Variants in SAMMSON observed in about 807,000 individuals in gnomAD.
SAMMSON encodes long intergenic non-protein coding RNA 1212.
At chr3:70,427,381 C>T (rs1368939894) in intron 2 of SAMMSON, among the ~76,000 whole-genome samples, 1 of 152,070 alleles carries the variant, frequency 6.6e-6, no homozygotes, top group Non-Finnish European at 1.5e-5. Flanking sequence ...CTCACTTAGG[C>T]AAAAGCACTG....
At chr3:70,428,905 T>G (rs1701392063) in intron 2 of SAMMSON, among the ~76,000 whole-genome samples, 2 of 152,200 alleles carry the variant, frequency 1.3e-5, no homozygotes, top group Non-Finnish European at 2.9e-5. Context: ...GGAGCTACAG[T>G]GATGACTAGG....
intron 4 of SAMMSON, among the ~76,000 whole-genome samples, chr3:70,170,652 C>G (rs1700936781): frequency 1.6e-5 from 2 of 127,700 alleles, no homozygotes; most frequent in South Asian, 2.5e-4. Flanking sequence ...ACTGGCTAAA[C>G]AGAGGTGAAA....
At chr3:70,312,022 A>C in intron 7 of SAMMSON, 1 of 397,138 alleles carries the variant, frequency 2.5e-6, no homozygotes, top group East Asian at 3.6e-5. Flanking sequence ...AAGAACCCAA[A>C]TTTATAACAT....
chr3:70,052,528 ATAG>A (rs1217755494), intron 3 of SAMMSON, among the ~76,000 whole-genome samples: 1 of 152,178 alleles, frequency 6.6e-6, no homozygotes, highest in Non-Finnish European at 1.5e-5. Flanking sequence ...TGCTACTAAA[ATAG>A]TAGCAAAAAT....
chr3:70,186,987 A>C (rs1157212519), intron 4 of SAMMSON, among the ~76,000 whole-genome samples: 1 of 152,142 alleles, frequency 6.6e-6, no homozygotes, highest in East Asian at 1.9e-4. Context: ...CTCCTGTTCT[A>C]GCTGGGGACT....
At chr3:70,412,455 G>A (rs1701228101) in intron 2 of SAMMSON, among the ~76,000 whole-genome samples, 1 of 152,282 alleles carries the variant, frequency 6.6e-6, no homozygotes, top group African/African-American at 2.4e-5. Flanking sequence ...AGTATGCAAA[G>A]TGATCAAGTC....
chr3:70,388,727 G>T (rs1014320740), intron 9 of SAMMSON, among the ~76,000 whole-genome samples: 2 of 152,266 alleles, frequency 1.3e-5, no homozygotes, highest in African/African-American at 4.8e-5. Context: ...TTAGTTGGGG[G>T]ACAGCTACCT....
chr3:70,050,677 A>G lies in SAMMSON; in HGVS notation n.418-20799A>G, dbSNP rs574049872. Among the ~76,000 whole-genome samples, 11 of 152,222 alleles carry G rather than the reference A, an allele frequency of 7.2e-5. No homozygotes were observed. The East Asian group carries it at 1.7e-3, about 24-fold the overall frequency. ...ATTTGCTATGGATCTGTCTTGGTCAACTTTCACCTGAATGATAATTCAGTG... is the reference window on the plus strand; with the variant it reads ...ATTTGCTATGGATCTGTCTTGGTCAGCTTTCACCTGAATGATAATTCAGTG... On this transcript the variant is annotated intron_variant and non_coding_transcript_variant, in intron 3 of 9. Transcript: ENST00000642114.
chr3:70,262,238 C>A (rs1234166218), intron 6 of SAMMSON, among the ~76,000 whole-genome samples: 2 of 152,042 alleles, frequency 1.3e-5, no homozygotes, highest in Non-Finnish European at 2.9e-5. Flanking sequence ...AATAATTATA[C>A]CAATAACGTG....
At chr3:70,335,371 A>G (rs1368638223) in intron 7 of SAMMSON, among the ~76,000 whole-genome samples, 1 of 152,072 alleles carries the variant, frequency 6.6e-6, no homozygotes, top group African/African-American at 2.4e-5. Context: ...TAAGCAGAAC[A>G]AAACATATTT....
At chr3:70,395,006 C>T (rs1336106608) in intron 2 of SAMMSON, among the ~76,000 whole-genome samples, 3 of 152,162 alleles carry the variant, frequency 2.0e-5, no homozygotes, top group Non-Finnish European at 4.4e-5. Context: ...GAGTTTGGTG[C>T]TCTCTTAAAT....
chr3:70,020,175 A>G (rs963769115), intron 3 of SAMMSON, among the ~76,000 whole-genome samples: 3 of 152,098 alleles, frequency 2.0e-5, no homozygotes, highest in South Asian at 4.2e-4. Context: ...CCCCACGTCA[A>G]TTTTGCAGAA....
chr3:70,386,973 T>C (rs1448249097), intron 9 of SAMMSON, among the ~76,000 whole-genome samples: 2 of 152,068 alleles, frequency 1.3e-5, no homozygotes, highest in Non-Finnish European at 2.9e-5. Flanking sequence ...GATGCCTTGG[T>C]CAGATCCCCA....
chr3:70,126,133 G>T, intron 4 of SAMMSON: 2 of 1,269,796 alleles, frequency 1.6e-6, no homozygotes, highest in Non-Finnish European at 2.2e-6. Context: ...GGAAGGTGGT[G>T]GGTACATATA....
intron 4 of SAMMSON, among the ~76,000 whole-genome samples, chr3:70,231,167 A>G (rs1701556493): frequency 6.6e-6 from 1 of 152,224 alleles, no homozygotes; most frequent in African/African-American, 2.4e-5. Context: ...ATTGCCTGAC[A>G]GGCTCCAGTC....
chr3:70,291,441 C>T (rs1193404074), intron 7 of SAMMSON, among the ~76,000 whole-genome samples: 1 of 152,102 alleles, frequency 6.6e-6, no homozygotes, highest in African/African-American at 2.4e-5. Flanking sequence ...TATTAGCTAC[C>T]TTCTCCAGAT....
At chr3:70,390,905 T>C (rs764164869), downstream of SAMMSON, among the ~76,000 whole-genome samples, 62 of 152,294 alleles carry the variant, frequency 4.1e-4, 1 homozygote, top group Non-Finnish European at 7.8e-4. Flanking sequence ...GATTAAAACA[T>C]TATAAACAAA....
chr3:70,208,969 A>T (rs1460111269), intron 4 of SAMMSON, among the ~76,000 whole-genome samples: 3 of 152,086 alleles, frequency 2.0e-5, no homozygotes, highest in Non-Finnish European at 2.9e-5. Flanking sequence ...TTAATGTAGT[A>T]TTGAATATTG....
chr3:70,287,053 T>C (rs1702173298), intron 6 of SAMMSON, among the ~76,000 whole-genome samples: 1 of 145,748 alleles, frequency 6.9e-6, no homozygotes, highest in Admixed American at 6.8e-5. Context: ...CTTTATTTCC[T>C]TCTCCTGCCT....
Sources: gnomAD v4.1 joint callset for allele counts (sites outside exome capture counted in the v4.1 genomes callset) on GRCh38, gnomAD v4.1.1 for gene constraint, MANE v1.5 for transcripts, NCBI Gene and HGNC (gene_info 2026-07-23, HGNC 2026-07-21) for gene names.